TRPM8: variants seen among roughly 807,000 people sequenced by gnomAD.
TRPM8 encodes transient receptor potential cation channel subfamily M member 8.
A neutral mutation model predicts 133.7 loss-of-function variants in TRPM8; 110 were observed. That is an observed-to-expected ratio of 0.82 (90% CI 0.70 to 0.96). The LOEUF is 0.96. TRPM8 is among the 40% of genes least tolerant of loss of function. TRPM8 has a pLI of 0.00. For synonymous variants in TRPM8, 535 were observed against 532.3 expected, an observed-to-expected ratio of 1.01 and a Z score of -0.07; for missense variants, 1,291 against 1,379.5, an observed-to-expected ratio of 0.94 and a Z score of 1.02.
chr2:233,954,986 G>C, intron 10 of TRPM8, 146 bp from the exon 11 acceptor site: 1 of 617,848 alleles, frequency 1.6e-6, no homozygotes, highest in East Asian at 2.8e-5. Context: ...TGAAGATAGA[G>C]TGAATGACAG....
chr2:234,015,557 A>G (rs1574798493), intron 25 of TRPM8, among the ~76,000 whole-genome samples: 1 of 152,118 alleles, frequency 6.6e-6, no homozygotes, highest in Non-Finnish European at 1.5e-5. Flanking sequence ...AGAAATTCCT[A>G]TTCATGGGGT....
chr2:233,943,598 T>C (rs1485335911), intron 6 of TRPM8, among the ~76,000 whole-genome samples: 6 of 152,198 alleles, frequency 3.9e-5, no homozygotes, highest in Non-Finnish European at 8.8e-5. Context: ...TAAATGGGCA[T>C]TAAGAAGGCT....
chr2:234,004,211 G>T (rs1196694949), intron 22 of TRPM8, among the ~76,000 whole-genome samples: 1 of 152,204 alleles, frequency 6.6e-6, no homozygotes, highest in Non-Finnish European at 1.5e-5. Context: ...TCCCTCTTCA[G>T]ATAGTTTATA....
chr2:233,972,287 T>C (rs993231891), intron 17 of TRPM8, among the ~76,000 whole-genome samples: 7 of 152,250 alleles, frequency 4.6e-5, no homozygotes, highest in South Asian at 2.1e-4. Flanking sequence ...AGGGTGCTGA[T>C]TGGTGTGTTT....
chr2:233,941,052 G>C (rs1303155826), intron 5 of TRPM8, among the ~76,000 whole-genome samples: 2 of 152,192 alleles, frequency 1.3e-5, no homozygotes, highest in Non-Finnish European at 2.9e-5. Flanking sequence ...TTGGGCATTT[G>C]TGCACGCCCT....
In TRPM8 at chr2:233,966,716, G is replaced by T; in HGVS notation, c.1986G>T (p.Glu662Asp). The change falls in exon 15 of 26, where the codon GAG becomes GAT. Residue 662 changes from glutamate (E) to aspartate (D), a missense_variant. Physicochemically the swap from Glu to Asp is conservative, Grantham distance 45. Around this residue, in one of 2 missense-constraint regions of TRPM8, gnomAD observed 963 missense variants for 968.9 expected, o/e 0.99. Coordinates refer to ENST00000324695, the MANE Select transcript of TRPM8 (RefSeq NM_024080.5). ...GGSNCLELAV[E>D]ATDQHFIAQP... ...GCAACTGTCTGGAGCTGGCGGTGGA[G>T]GCCACAGACCAGCATTTCATCGCCC... is the stretch of plus-strand genomic sequence containing the variant. The T allele has an allele frequency of 1.9e-6, 3 of 1,609,000 alleles. No individual in the cohort carries two copies. Among genetic ancestry groups the T allele is most frequent in the Non-Finnish European group, 8.5e-7 (1 of 1,176,584 alleles).
chr2:233,967,052 AC>A (rs1018314068), intron 15 of TRPM8, among the ~76,000 whole-genome samples: 7 of 152,250 alleles, frequency 4.6e-5, no homozygotes, highest in African/African-American at 1.7e-4. Flanking sequence ...CATCCGCTGT[AC>A]CCCTAATGAA....
chr2:233,921,263 G>A (rs1232503511), intron 1 of TRPM8, among the ~76,000 whole-genome samples: 1 of 152,054 alleles, frequency 6.6e-6, no homozygotes, highest in African/African-American at 2.4e-5. Context: ...ACCGAATTTT[G>A]GAACTGTTCC....
At chr2:234,014,776 G>C in intron 25 of TRPM8, 122 bp downstream of exon 25, 1 of 387,010 alleles carries the variant, frequency 2.6e-6, no homozygotes, top group Non-Finnish European at 4.3e-6. Flanking sequence ...TGAAAATAAT[G>C]CATTGTGCAA....
chr2:233,925,202 T>C (rs1273591924), intron 1 of TRPM8, among the ~76,000 whole-genome samples: 2 of 152,226 alleles, frequency 1.3e-5, no homozygotes, highest in Admixed American at 6.5e-5. Context: ...CAAGGGAGTA[T>C]TGATTCAATC....
At position 233,989,272 on chromosome 2, in the gene TRPM8, T is replaced by A. The variant is rs954070427; in HGVS notation, c.2939+3407T>A. Among the ~76,000 whole-genome samples, 1 of 152,196 alleles carries A rather than the reference T, an allele frequency of 6.6e-6. No homozygotes were observed. The highest frequency in any genetic ancestry group is 6.5e-5 in the Admixed American group (1 of 15,286). On this transcript the variant is annotated intron_variant, in intron 21 of 25. Transcript: ENST00000324695. This position sits in a 1 kb window ranked among gnomAD's most constrained non-coding sequence, Gnocchi z 4.2. ...GTCTGTCACTTTCAGGTGAAGGAGA[T>A]GAAGTCCCAGCAGCTCAGCGTCTGT...
intron 1 of TRPM8, among the ~76,000 whole-genome samples, chr2:233,921,361 A>G (rs2125024404): frequency 6.6e-6 from 1 of 152,088 alleles, no homozygotes; most frequent in South Asian, 2.1e-4. Context: ...AGTTCTTTTC[A>G]CCCTGGCCTC....
chr2:233,996,152 G>A (rs1489539106), intron 21 of TRPM8, among the ~76,000 whole-genome samples, 174 bp from the exon 22 acceptor site: 1 of 150,598 alleles, frequency 6.6e-6, no homozygotes, highest in Non-Finnish European at 1.5e-5. Context: ...TGAATTGAAG[G>A]TCACTTTCAC....
intron 12 of TRPM8, 59 bp downstream of exon 12, chr2:233,961,125 A>T: frequency 6.5e-7 from 1 of 1,527,962 alleles, no homozygotes; most frequent in South Asian, 1.2e-5. Context: ...TTCCCTCATA[A>T]GATATCTCCA....
chr2:233,953,731 A>G (rs1393698204), intron 9 of TRPM8, 186 bp from the exon 10 acceptor site: 1 of 456,592 alleles, frequency 2.2e-6, no homozygotes, highest in African/African-American at 2.0e-5. Context: ...GGGCTTTTTG[A>G]TACGTGTATA....
chr2:233,969,675 CTGTCTT>C lies in TRPM8; in HGVS notation c.2026-16_2026-11del. ...ATTGTGTTAATAAGGACCTTGTTCTCTGTCTTTGTTTCCCTGTAGAATTTTCTTTCT... is the reference window on the plus strand; with the variant it reads ...ATTGTGTTAATAAGGACCTTGTTCTCTGTTTCCCTGTAGAATTTTCTTTCT... On this transcript the variant is annotated splice_polypyrimidine_tract_variant and intron_variant, in intron 15 of 25. Transcript: ENST00000324695. 1.3e-6 allele frequency: 2 copies of C among 1,484,058 alleles called. No homozygotes were observed. The highest frequency in any genetic ancestry group is 1.9e-6 in the Non-Finnish European group (2 of 1,061,756). The allele number at this position is 1,484,058 out of a possible 1,614,324, so 91.9% of individuals were successfully genotyped here.
chr2:233,935,795 C>T (rs1690718339), intron 3 of TRPM8, among the ~76,000 whole-genome samples: 1 of 151,896 alleles, frequency 6.6e-6, no homozygotes, highest in Non-Finnish European at 1.5e-5. Context: ...CAGAAGGAAG[C>T]TGGGAGGAGG....
At chr2:233,952,625 G>C (rs1278858283) in intron 9 of TRPM8, among the ~76,000 whole-genome samples, 1 of 151,822 alleles carries the variant, frequency 6.6e-6, no homozygotes, top group African/African-American at 2.4e-5. Flanking sequence ...GTTTGGTCTT[G>C]TTCAAGTGTA....
At chr2:234,008,011 A>G (rs992697418) in intron 23 of TRPM8, 59 bp from the exon 24 acceptor site, 12 of 1,413,932 alleles carry the variant, frequency 8.5e-6, no homozygotes, top group East Asian at 2.3e-5. Flanking sequence ...GGAGCCTAAT[A>G]GCCCTCTCTC....
Sources: allele counts gnomAD v4.1 joint callset (sites outside exome capture counted in the v4.1 genomes callset), GRCh38; gene constraint gnomAD v4.1.1; regional missense constraint gnomAD v4.1.1; non-coding constraint Gnocchi (gnomAD v3.1); transcripts MANE v1.5; gene names NCBI Gene and HGNC (gene_info 2026-07-23, HGNC 2026-07-21).